Variants in CTIF observed in about 807,000 individuals in gnomAD.
CTIF encodes the protein CBP80/20-dependent translation initiation factor.
Under a neutral mutation model 66.0 loss-of-function variants are expected in CTIF, and 21 were observed. The ratio of observed to expected loss-of-function variants is 0.32; its 90% CI spans 0.23 to 0.46. The LOEUF (loss-of-function observed/expected upper bound fraction) is 0.46, where lower values mean the gene tolerates loss of function less well. Among genes scored for constraint, CTIF ranks in the 20% least tolerant of loss-of-function variants. The pLI is 1.00. For synonymous variants in CTIF, 345 were observed against 326.4 expected, an observed-to-expected ratio of 1.06 and a Z score of -0.62; for missense variants, 739 against 812.7, an observed-to-expected ratio of 0.91 and a Z score of 1.10.
At chr18:48,788,569 C>T (rs2067727813) in intron 9 of CTIF, among the ~76,000 whole-genome samples, 1 of 152,166 alleles carries the variant, frequency 6.6e-6, no homozygotes, top group Admixed American at 6.5e-5. Context: ...CACATACCTG[C>T]CCCCGGAGGC....
rs770164138 is a variant in CTIF at position 48,758,295 on chromosome 18, G to A, written c.961G>A (p.Val321Ile). 8 of 1,613,274 alleles carry A rather than the reference G, an allele frequency of 5.0e-6. No homozygotes were observed. The Admixed American group carries it at 1.2e-4, about 24-fold the overall frequency. Reference sequence around the variant, plus strand: ...CCCACAGCAGTCAGGGGGGCCAGAGGTTGAGACAAAACGTAAAGACAGTAT... The same window carrying A: ...CCCACAGCAGTCAGGGGGGCCAGAGATTGAGACAAAACGTAAAGACAGTAT... The part of the protein sequence containing the change: ...LPPQQSGGPE[V>I]ETKRKDSILP... The change falls in exon 8 of 12, where the codon GTT becomes ATT. Residue 321 changes from valine to isoleucine, a missense_variant. Val to Ile is a conservative substitution (Grantham distance 29, BLOSUM62 3). Around this residue, in one of 2 missense-constraint regions of CTIF, gnomAD observed 529 missense variants for 520.3 expected, o/e 1.02. Coordinates refer to ENST00000256413, the MANE Select transcript of CTIF (RefSeq NM_014772.3).
At chr18:48,791,087 C>G (rs1295597583) in intron 9 of CTIF, among the ~76,000 whole-genome samples, 1 of 152,178 alleles carries the variant, frequency 6.6e-6, no homozygotes, top group Non-Finnish European at 1.5e-5. Context: ...AAGGGGAGGC[C>G]CTGTACAAGC....
intron 7 of CTIF, among the ~76,000 whole-genome samples, chr18:48,717,346 C>T (rs951057838): frequency 2.0e-5 from 3 of 151,410 alleles, no homozygotes; most frequent in Non-Finnish European, 4.4e-5. Flanking sequence ...TGCAGTGAGC[C>T]GAGATCACGC....
At chr18:48,852,423 T>TGTTG (rs2069226871) in intron 10 of CTIF, among the ~76,000 whole-genome samples, 1 of 152,036 alleles carries the variant, frequency 6.6e-6, no homozygotes, top group African/African-American at 2.4e-5. Context: ...TTGGACCCCA[T>TGTTG]GACTCAGGTA....
intron 1 of CTIF, among the ~76,000 whole-genome samples, chr18:48,542,619 T>G (rs944798803): frequency 2.0e-5 from 3 of 152,206 alleles, no homozygotes; most frequent in African/African-American, 7.2e-5. Context: ...AGAGCAGAGA[T>G]AGTTAAGTTG....
At chr18:48,558,066 C>CTCTTTTCTTT (rs1387909704) in intron 1 of CTIF, among the ~76,000 whole-genome samples, 3 of 152,112 alleles carry the variant, frequency 2.0e-5, no homozygotes, top group Admixed American at 6.5e-5. Flanking sequence ...TTCTTTTCTT[C>CTCTTTTCTTT]TCTTTTCTTT....
intron 6 of CTIF, among the ~76,000 whole-genome samples, chr18:48,672,556 T>TGGGAGGGA (rs1218386463): frequency 1.3e-5 from 2 of 152,150 alleles, no homozygotes; most frequent in African/African-American, 2.4e-5. Context: ...AGCCCTCCTA[T>TGGGAGGGA]GGGAGTCTTG....
Position 48,808,438 on chromosome 18 carries a change from C to T in CTIF, c.1372-8783C>T, listed in dbSNP as rs181725573. Among the ~76,000 whole-genome samples the T allele has an allele frequency of 6.5e-3, 980 of 151,288 alleles. 4 individuals carry two copies. The highest frequency in any genetic ancestry group is 0.01 in the Admixed American group (155 of 15,230). ...TCTTTTAATATTTTGATGCATTCTTCCATTGTCTTAGTGAAGAAAGCCCCC... is the reference window on the plus strand; with the variant it reads ...TCTTTTAATATTTTGATGCATTCTTTCATTGTCTTAGTGAAGAAAGCCCCC... On this transcript the variant is annotated intron_variant, in intron 9 of 11. Coordinates refer to ENST00000256413, the MANE Select transcript of CTIF (RefSeq NM_014772.3).
At chr18:48,619,801 G>A in intron 2 of CTIF, 56 bp downstream of exon 2, 7 of 1,424,778 alleles carry the variant, frequency 4.9e-6, no homozygotes, top group Admixed American at 2.5e-5. Context: ...GGTGATGCAG[G>A]AGCCCCTAAT....
intron 1 of CTIF, chr18:48,540,072 C>G (rs1183624061): frequency 2.0e-5 from 3 of 152,196 alleles, no homozygotes; most frequent in Non-Finnish European, 4.4e-5. Flanking sequence ...AGCCCGCGGG[C>G]CGCGGGGGGA....
Position 48,652,005 on chromosome 18 carries a change from G to A in CTIF, c.253-11747G>A, listed in dbSNP as rs565541513. 1.5e-3 allele frequency among the ~76,000 whole-genome samples: 226 copies of A among 152,306 alleles called. 1 individual carries two copies. The highest frequency in any genetic ancestry group is 5.4e-3 in the African/African-American group (224 of 41,558). On this transcript the variant is annotated intron_variant, in intron 3 of 11. Coordinates refer to ENST00000256413, the MANE Select transcript of CTIF (RefSeq NM_014772.3). ...AATTTATAGCACTAAATGCCCACAA[G>A]AGAAAGCAGGAAAGATCTAAAATTG...
At chr18:48,785,604 C>T (rs1251114264) in intron 9 of CTIF, among the ~76,000 whole-genome samples, 1 of 151,918 alleles carries the variant, frequency 6.6e-6, no homozygotes, top group East Asian at 1.9e-4. Context: ...GTGAGACTCC[C>T]CAGAGACCAA....
At chr18:48,776,185 G>A (rs538758963) in intron 9 of CTIF, among the ~76,000 whole-genome samples, 3 of 152,310 alleles carry the variant, frequency 2.0e-5, no homozygotes, top group Non-Finnish European at 2.9e-5. Flanking sequence ...GAAGATACCC[G>A]CCACCCCTCC....
intron 1 of CTIF, among the ~76,000 whole-genome samples, chr18:48,593,687 G>A (rs867831795): frequency 2.0e-5 from 3 of 151,314 alleles, no homozygotes; most frequent in Admixed American, 6.6e-5. Flanking sequence ...CGGCCAATTC[G>A]AATTCTTTTG....
intron 1 of CTIF, among the ~76,000 whole-genome samples, chr18:48,548,533 A>G (rs932605768): frequency 6.6e-6 from 1 of 152,188 alleles, no homozygotes; most frequent in Non-Finnish European, 1.5e-5. Context: ...TGTGTGGGTC[A>G]CATATTCAGC....
At chr18:48,663,495 G>A (rs1180536781) in intron 3 of CTIF, among the ~76,000 whole-genome samples, 1 of 152,094 alleles carries the variant, frequency 6.6e-6, no homozygotes, top group Non-Finnish European at 1.5e-5. Context: ...AGGCTTTGAG[G>A]AGAGAGCCAT....
chr18:48,557,976 G>A lies in CTIF; in HGVS notation c.-29+18664G>A, dbSNP rs76869774. Among the ~76,000 whole-genome samples, 743 of 152,304 alleles carry A rather than the reference G, an allele frequency of 4.9e-3. 1 individual carries two copies. The highest frequency in any genetic ancestry group is 6.2e-3 in the Non-Finnish European group (421 of 68,032). ...CAAACATATTTATGCTGGGGATTAG[G>A]GATTCAATATGTAAATTTTGGGAGG... is the stretch of plus-strand genomic sequence containing the variant. On this transcript the variant is annotated intron_variant, in intron 1 of 11. Coordinates refer to ENST00000256413, the MANE Select transcript of CTIF (RefSeq NM_014772.3).
chr18:48,853,737 G>GACGTCCC (rs2069261338), intron 10 of CTIF, among the ~76,000 whole-genome samples: 1 of 152,254 alleles, frequency 6.6e-6, no homozygotes, highest in African/African-American at 2.4e-5. Flanking sequence ...CAAGCCTGCC[G>GACGTCCC]TGGGTCCTCA....
intron 9 of CTIF, among the ~76,000 whole-genome samples, chr18:48,789,054 G>T (rs112432704): frequency 0.021 from 3,229 of 152,254 alleles, 114 homozygotes; most frequent in African/African-American, 0.073. Flanking sequence ...GTGCACGTAG[G>T]TCCCTCAGCA....
Sources: allele counts gnomAD v4.1 joint callset (sites outside exome capture counted in the v4.1 genomes callset), GRCh38; gene constraint gnomAD v4.1.1; regional missense constraint gnomAD v4.1.1; transcripts MANE v1.5; gene names NCBI Gene and HGNC (gene_info 2026-07-23, HGNC 2026-07-21).